The following PHF21A variants were observed in gnomAD, a reference collection of about 807,000 sequenced individuals.
PHF21A encodes PHD finger protein 21A, also known as BHC80a.
Under a neutral mutation model 82.5 loss-of-function variants are expected in PHF21A, and 11 were observed. The ratio of observed to expected loss-of-function variants is 0.13; its 90% confidence interval spans 0.08 to 0.22. PHF21A has a LOEUF of 0.22. PHF21A is among the 10% of genes least tolerant of loss of function. PHF21A has a pLI of 1.00. For missense variants in PHF21A, 579 were observed against 837.8 expected (o/e 0.69, Z 3.81); for synonymous variants, 297 against 302.8 (o/e 0.98, Z 0.20).
chr11:46,070,589 C>A (rs938178656), intron 6 of PHF21A, among the ~76,000 whole-genome samples: 4 of 152,166 alleles, frequency 2.6e-5, no homozygotes, highest in Non-Finnish European at 5.9e-5. Context: ...CCTTGGCCTA[C>A]CAAAATGCTG....
In PHF21A at chr11:45,934,051, T is replaced by G; in HGVS notation, c.1963A>C (p.Asn655His). 1 of 1,613,446 alleles carries G rather than the reference T, an allele frequency of 6.2e-7. No individual in the cohort carries two copies. Among genetic ancestry groups the G allele is most frequent in the South Asian group, 1.1e-5 (1 of 91,038 alleles). Residue 655 changes from asparagine to histidine, a missense_variant, in exon 19 of 19, where the codon AAT becomes CAT. Coordinates refer to ENST00000676320, the MANE Select transcript of PHF21A (RefSeq NM_001352027.3). Reference protein sequence around the residue: ...SNGPDCTPPANAATSTPAPSP... With the variant: ...SNGPDCTPPAHAATSTPAPSP... ...GGGGCCGGCGTGGAGGTGGCGGCAT[T>G]GGCAGGGGGGGTGCAGTCCGGGCCA...
intron 1 of PHF21A, among the ~76,000 whole-genome samples, chr11:46,100,715 C>G (rs2097083832): frequency 6.6e-6 from 1 of 152,168 alleles, no homozygotes; most frequent in Admixed American, 6.5e-5. Context: ...ATAATTACAC[C>G]TGTGGGTCTA....
intron 6 of PHF21A, among the ~76,000 whole-genome samples, chr11:46,002,129 A>C (rs1262319711): frequency 6.6e-6 from 1 of 152,232 alleles, no homozygotes; most frequent in Non-Finnish European, 1.5e-5. Flanking sequence ...CTTTCATTAA[A>C]ATTTAGACTA....
rs530391915 is a variant in PHF21A, at chr11:46,038,475, A to G, written c.153+38279T>C. Among the ~76,000 whole-genome samples, 15 of 152,306 alleles carry G rather than the reference A, an allele frequency of 9.8e-5. No homozygotes were observed. In the East Asian group the frequency reaches 2.9e-3, roughly 29 times the overall value. ...TTTATTGAGCACCTCCATGTGCTAC[A>G]TACTATTCTAGGTTCTTGAAGGAGG... On this transcript the variant is annotated intron_variant, in intron 6 of 18. Transcript: ENST00000676320.
At chr11:46,004,157 A>G (rs1200320746) in intron 6 of PHF21A, among the ~76,000 whole-genome samples, 2 of 152,188 alleles carry the variant, frequency 1.3e-5, no homozygotes, top group African/African-American at 4.8e-5. Context: ...CATTTCATTT[A>G]AAAATGTTTA....
intron 6 of PHF21A, among the ~76,000 whole-genome samples, chr11:46,048,651 T>C (rs956007765): frequency 6.6e-6 from 1 of 151,972 alleles, no homozygotes; most frequent in Non-Finnish European, 1.5e-5. Flanking sequence ...ACACCTGTAA[T>C]CCCAGCTACT....
Position 45,938,191 on chromosome 11 carries a change from T to C in PHF21A, c.1574A>G (p.Lys525Arg), listed in dbSNP as rs1451496086. Reference protein sequence around the residue: ...CLDPPLKTIPKGMWICPRCQD... With the variant: ...CLDPPLKTIPRGMWICPRCQD... ...ACATCTGGGACAGATCCACATGCCC[T>C]TGGGAATTGTTTTCAGAGGGGGGTC... Residue 525 changes from lysine (K) to arginine (R), a missense_variant, in exon 16 of 19, where the codon AAG becomes AGG. This residue lies in a region of PHF21A where 410 missense variants were observed against 642.1 expected (regional missense o/e 0.64). Coordinates refer to ENST00000676320, the MANE Select transcript of PHF21A (RefSeq NM_001352027.3). The C allele has an allele frequency of 1.2e-5, 19 of 1,606,698 alleles. No individual in the cohort carries two copies. The highest frequency in any genetic ancestry group is 1.5e-5 in the Non-Finnish European group (18 of 1,176,768).
At chr11:46,084,591 G>A (rs2096833378) in intron 3 of PHF21A, among the ~76,000 whole-genome samples, 1 of 152,136 alleles carries the variant, frequency 6.6e-6, no homozygotes, top group Non-Finnish European at 1.5e-5. Flanking sequence ...AGGATACAGA[G>A]CTGAGTAAGA....
intron 1 of PHF21A, among the ~76,000 whole-genome samples, chr11:46,103,346 A>C (rs1451028889): frequency 7.2e-5 from 11 of 152,252 alleles, no homozygotes; most frequent in Admixed American, 5.2e-4. Context: ...GCTAATTTTA[A>C]AACTATAATG....
chr11:45,979,069 T>G (rs1591528993), intron 7 of PHF21A, among the ~76,000 whole-genome samples: 1 of 151,548 alleles, frequency 6.6e-6, no homozygotes, highest in South Asian at 2.1e-4. Flanking sequence ...CAGGCTGGAG[T>G]GCAGTGGTGT....
intron 7 of PHF21A, among the ~76,000 whole-genome samples, chr11:45,973,971 C>A: frequency 6.6e-6 from 1 of 152,330 alleles, no homozygotes. Context: ...AAAATACTGA[C>A]TAAAGCCTCA....
At chr11:46,011,113 T>A (rs1453195927) in intron 6 of PHF21A, among the ~76,000 whole-genome samples, 1 of 152,192 alleles carries the variant, frequency 6.6e-6, no homozygotes, top group African/African-American at 2.4e-5. Flanking sequence ...TGCCACTAGA[T>A]CGTGAACTCC....
chr11:46,011,520 T>C (rs1034345529), intron 6 of PHF21A, among the ~76,000 whole-genome samples: 4 of 151,994 alleles, frequency 2.6e-5, no homozygotes, highest in Non-Finnish European at 4.4e-5. Flanking sequence ...AATGAACCAA[T>C]TGTTGAAGTA....
rs1247520824 is a variant in PHF21A, at chr11:46,121,447, G to T, written c.-749C>A. Among the ~76,000 whole-genome samples the T allele has an allele frequency of 6.6e-6, 1 of 150,462 alleles. No homozygotes were observed. The highest frequency in any genetic ancestry group is 2.4e-5 in the African/African-American group (1 of 41,214). ...CAGCCCATTCACCACCCGGCCCCGG[G>T]CCGCAGCACCTCCGCCGCCTCAGCC... is the stretch of plus-strand genomic sequence containing the variant. On this transcript the variant is annotated 5_prime_UTR_variant, in exon 1 of 19. Coordinates refer to ENST00000676320, the MANE Select transcript of PHF21A (RefSeq NM_001352027.3).
intron 6 of PHF21A, among the ~76,000 whole-genome samples, chr11:45,981,417 A>C (rs1410240034): frequency 1.3e-5 from 2 of 148,690 alleles, no homozygotes; most frequent in African/African-American, 2.5e-5. Flanking sequence ...AAAAAAAAAA[A>C]AACTATATTG....
intron 6 of PHF21A, among the ~76,000 whole-genome samples, chr11:45,995,547 T>C (rs1171334775): frequency 6.6e-6 from 1 of 152,208 alleles, no homozygotes; most frequent in Non-Finnish European, 1.5e-5. Context: ...TAGAGTGAGA[T>C]AGAGTGGTTG....
chr11:45,998,044 C>T (rs181892368), intron 6 of PHF21A, among the ~76,000 whole-genome samples: 1 of 152,214 alleles, frequency 6.6e-6, no homozygotes, highest in Admixed American at 6.5e-5. Context: ...TAGCAATCAG[C>T]CTGCTACCCA....
chr11:46,081,974 A>G (rs111666298), intron 4 of PHF21A, among the ~76,000 whole-genome samples: 3 of 152,312 alleles, frequency 2.0e-5, no homozygotes, highest in African/African-American at 4.8e-5. Flanking sequence ...TCTCCATTCC[A>G]TATGGAGTAA....
chr11:45,958,447 T>TACAC lies in PHF21A; in HGVS notation c.997-4823_997-4822insGTGT, dbSNP rs1201890167. Reference sequence around the variant, plus strand: ...ATATATATATATATATATATATATATATACACACACACACACACACACATA... The same window carrying TACAC: ...ATATATATATATATATATATATATATACACATACACACACACACACACACACATA... On this transcript the variant is annotated intron_variant, in intron 10 of 18. Transcript: ENST00000676320. 5.8e-3 allele frequency among the ~76,000 whole-genome samples: 124 copies of TACAC among 21,470 alleles called. 2 individuals carry two copies. Among genetic ancestry groups the TACAC allele is most frequent in the East Asian group, 0.017 (3 of 172 alleles). The allele number at this position is 21,470 out of a possible 152,430, so 14.1% of individuals were successfully genotyped here. A position where few individuals can be genotyped will look rare whatever the true frequency, so the allele number is the denominator to read the frequency against.
Sources: gnomAD v4.1 joint callset for allele counts (sites outside exome capture counted in the v4.1 genomes callset) on GRCh38, gnomAD v4.1.1 for gene constraint, gnomAD v4.1.1 regional missense constraint, MANE v1.5 for transcripts, NCBI Gene and HGNC (gene_info 2026-07-23, HGNC 2026-07-21) for gene names.